Variants in PBX1 observed in about 807,000 individuals in gnomAD.
The protein encoded by PBX1 is PBX homeobox 1.
A neutral mutation model predicts 53.4 loss-of-function variants in PBX1; 6 were observed. The observed-to-expected ratio is 0.11, with a 90% CI of 0.06 to 0.22. The LOEUF (loss-of-function observed/expected upper bound fraction) is 0.22. Ranked by LOEUF, PBX1 falls within the 10% of genes least tolerant of loss-of-function variation. PBX1 has a pLI of 1.00. For missense variants in PBX1, 251 were observed against 551.4 expected (o/e 0.46, Z 5.46); for synonymous variants, 204 against 212.3 (o/e 0.96, Z 0.34).
At chr1:164,785,019 G>A (rs1279276042) in intron 2 of PBX1, among the ~76,000 whole-genome samples, 7 of 152,182 alleles carry the variant, frequency 4.6e-5, no homozygotes, top group Admixed American at 1.3e-4. Context: ...AGGGCTGAGA[G>A]ACAACCCGGG....
intron 2 of PBX1, among the ~76,000 whole-genome samples, chr1:164,616,378 T>C (rs891456742): frequency 3.3e-5 from 5 of 152,196 alleles, no homozygotes; most frequent in Non-Finnish European, 5.9e-5. Flanking sequence ...AAGCTCCGTT[T>C]ACTGATCTAT....
chr1:164,622,669 AAT>A (rs1657758863), intron 2 of PBX1, among the ~76,000 whole-genome samples: 2 of 152,094 alleles, frequency 1.3e-5, no homozygotes, highest in African/African-American at 4.8e-5. Flanking sequence ...TGTGAGTCCT[AAT>A]AGATATATTT....
At chr1:164,770,446 C>T (rs989781274) in intron 2 of PBX1, 1 of 152,260 alleles carries the variant, frequency 6.6e-6, no homozygotes, top group African/African-American at 2.4e-5. Flanking sequence ...TCCTTCCCTT[C>T]TTGACCATTG....
chr1:164,566,929 A>C (rs1222471965), intron 2 of PBX1, among the ~76,000 whole-genome samples: 4 of 152,142 alleles, frequency 2.6e-5, no homozygotes, highest in African/African-American at 9.7e-5. Flanking sequence ...AGGTTAAAAA[A>C]ATTTATTTTT....
rs991984005 is a variant in PBX1 at position 164,631,769 on chromosome 1, A to AT, written c.265+68460dup. 4.6e-5 allele frequency among the ~76,000 whole-genome samples: 7 copies of AT among 152,238 alleles called. 1 individual carries two copies. Among genetic ancestry groups the AT allele is most frequent in the Admixed American group, 4.6e-4 (7 of 15,294 alleles). ...ATGAAATCCGTAAGATAAATCAGCT[A>AT]TTGTAGCACGTGAAGGAAATTAATA... is the stretch of plus-strand genomic sequence containing the variant. On this transcript the variant is annotated intron_variant, in intron 2 of 8. Transcript: ENST00000420696.
chr1:164,621,217 G>A (rs1451990505), intron 2 of PBX1, among the ~76,000 whole-genome samples: 1 of 151,052 alleles, frequency 6.6e-6, no homozygotes, highest in Non-Finnish European at 1.5e-5. Flanking sequence ...TCGATCTCTT[G>A]ACCTTGTGAT....
At chr1:164,669,682 C>T (rs1459725441) in intron 2 of PBX1, among the ~76,000 whole-genome samples, 2 of 152,140 alleles carry the variant, frequency 1.3e-5, no homozygotes, top group African/African-American at 4.8e-5. Context: ...AATCCTCATA[C>T]TCCTAGGGAG....
At chr1:164,841,293 G>T (rs1018037340) in intron 8 of PBX1, among the ~76,000 whole-genome samples, 3 of 152,320 alleles carry the variant, frequency 2.0e-5, no homozygotes, top group Admixed American at 2.0e-4. Context: ...CAAGGGGAAA[G>T]AAGCAGGCAT....
chr1:164,839,645 A>G (rs978866622), intron 8 of PBX1, among the ~76,000 whole-genome samples: 5 of 152,228 alleles, frequency 3.3e-5, no homozygotes, highest in African/African-American at 1.2e-4. Context: ...ACTTCTCAGT[A>G]CAGTAAAGGA....
rs112442453 is a variant in PBX1 at position 164,767,512 on chromosome 1, C to T, written c.266-24982C>T. Reference sequence around the variant, plus strand: ...ATTGGATATGGCTTTCTGCGTCCAACTGCACTCTACTCCTAAGTACCAGGA... The same window carrying T: ...ATTGGATATGGCTTTCTGCGTCCAATTGCACTCTACTCCTAAGTACCAGGA... On this transcript the variant is annotated intron_variant, in intron 2 of 8. Coordinates refer to ENST00000420696, the MANE Select transcript of PBX1 (RefSeq NM_002585.4). Among the ~76,000 whole-genome samples the T allele has an allele frequency of 3.6e-3, 542 of 152,244 alleles. 6 individuals are homozygous for T. Among genetic ancestry groups the T allele is most frequent in the African/African-American group, 0.012 (517 of 41,546 alleles).
intron 2 of PBX1, among the ~76,000 whole-genome samples, chr1:164,686,847 C>T (rs1208526175): frequency 2.6e-5 from 4 of 151,902 alleles, no homozygotes; most frequent in African/African-American, 4.8e-5. Flanking sequence ...GTCCCAGCTA[C>T]TCGGGAGGCT....
intron 2 of PBX1, among the ~76,000 whole-genome samples, chr1:164,619,498 C>T (rs1415781564): frequency 6.6e-6 from 1 of 152,048 alleles, no homozygotes; most frequent in Non-Finnish European, 1.5e-5. Flanking sequence ...AGGAAAATGA[C>T]CTATACAAGG....
chr1:164,842,667 A>G (rs1671360091), intron 8 of PBX1, among the ~76,000 whole-genome samples: 1 of 152,130 alleles, frequency 6.6e-6, no homozygotes, highest in South Asian at 2.1e-4. Flanking sequence ...AGGCCACAGA[A>G]TTACCTATAT....
chr1:164,765,993 GA>G (rs1315833950), intron 2 of PBX1, among the ~76,000 whole-genome samples: 1 of 152,146 alleles, frequency 6.6e-6, no homozygotes, highest in Non-Finnish European at 1.5e-5. Flanking sequence ...GCCGTTGGGG[GA>G]AAAAAGAAGG....
intron 2 of PBX1, chr1:164,770,021 T>G (rs990954027): frequency 6.6e-6 from 1 of 152,204 alleles, no homozygotes; most frequent in African/African-American, 2.4e-5. Flanking sequence ...AGCTGTAACT[T>G]TGAACTTATT....
intron 8 of PBX1, among the ~76,000 whole-genome samples, chr1:164,834,268 G>A (rs898432042): frequency 6.6e-6 from 1 of 151,712 alleles, no homozygotes; most frequent in Non-Finnish European, 1.5e-5. Flanking sequence ...ATGAAAAGGA[G>A]ACCTAATGCC....
At chr1:164,571,554 G>A (rs1012463143) in intron 2 of PBX1, among the ~76,000 whole-genome samples, 7 of 149,606 alleles carry the variant, frequency 4.7e-5, no homozygotes, top group African/African-American at 1.7e-4. Flanking sequence ...CTATTCCGCT[G>A]TATGGATATA....
rs912443126 is a variant in PBX1 at position 164,559,293 on chromosome 1, C to T, written c.-530C>T. 5.2e-6 allele frequency: 1 copy of T among 194,136 alleles called. No individual in the cohort carries two copies. Among genetic ancestry groups the T allele is most frequent in the Non-Finnish European group, 1.1e-5 (1 of 93,730 alleles). 12.0% of individuals were successfully genotyped at this position (194,136 alleles called of 1,614,324 possible). On this transcript the variant is annotated 5_prime_UTR_variant, in exon 1 of 9. Transcript: ENST00000420696. ...GCTGGGGGAGATCTGGCTTTTGCAACAGCCCACCCCCTTTGAGATCACTCT... is the reference window on the plus strand; with the variant it reads ...GCTGGGGGAGATCTGGCTTTTGCAATAGCCCACCCCCTTTGAGATCACTCT...
intron 2 of PBX1, among the ~76,000 whole-genome samples, chr1:164,863,341 A>G (rs1342631320): frequency 3.3e-5 from 5 of 152,196 alleles, no homozygotes; most frequent in Non-Finnish European, 7.3e-5. Flanking sequence ...TATTTCTTAA[A>G]GTCCCTAGCT....
Sources: gnomAD v4.1 joint callset for allele counts (sites outside exome capture counted in the v4.1 genomes callset) on GRCh38, gnomAD v4.1.1 for gene constraint, MANE v1.5 for transcripts, NCBI Gene and HGNC (gene_info 2026-07-23, HGNC 2026-07-21) for gene names.